Variants in PCDHGA2 observed in about 807,000 individuals in gnomAD.
The protein encoded by PCDHGA2 is protocadherin gamma-A2.
Under a neutral mutation model 59.2 loss-of-function variants are expected in PCDHGA2, and 40 were observed. The ratio of observed to expected loss-of-function variants is 0.68; its 90% CI spans 0.52 to 0.88. The LOEUF is 0.88. Ranked by LOEUF, PCDHGA2 falls within the 40% of genes least tolerant of loss-of-function variation. The probability of loss-of-function intolerance (pLI) is 0.00; values close to 1 mark genes in which losing one functional copy is unlikely to be tolerated. For missense variants in PCDHGA2, 1,226 were observed against 1,204.0 expected (o/e 1.02, Z -0.27); for synonymous variants, 560 against 526.0 (o/e 1.06, Z -0.89).
chr5:141,507,872 C>T (rs2099864458), intron 3 of PCDHGA2, among the ~76,000 whole-genome samples: 1 of 152,168 alleles, frequency 6.6e-6, no homozygotes, highest in African/African-American at 2.4e-5. Flanking sequence ...GCTTCCTAGC[C>T]CTGAAACCAG....
intron 1 of PCDHGA2, chr5:141,345,466 AC>A: frequency 6.2e-7 from 1 of 1,614,078 alleles, no homozygotes; most frequent in South Asian, 1.1e-5. Context: ...ACAGCCCAGG[AC>A]CCAGATAGCA....
intron 1 of PCDHGA2, among the ~76,000 whole-genome samples, chr5:141,444,408 T>G (rs1591815532): frequency 6.6e-6 from 1 of 152,124 alleles, no homozygotes; most frequent in East Asian, 1.9e-4. Context: ...CAACCTCAGG[T>G]GATCTTCCCT....
At chr5:141,392,991 G>A in intron 1 of PCDHGA2, 1 of 1,613,904 alleles carries the variant, frequency 6.2e-7, no homozygotes, top group Middle Eastern at 1.7e-4. Flanking sequence ...CCGGAAGCTG[G>A]CGAAGCACGG....
intron 1 of PCDHGA2, among the ~76,000 whole-genome samples, chr5:141,438,745 T>C (rs1004731034): frequency 4.7e-5 from 7 of 147,392 alleles, no homozygotes; most frequent in Non-Finnish European, 1.0e-4. Flanking sequence ...CACTGCAACC[T>C]CTGCCTCCTG....
rs375166529 is a variant in PCDHGA2, at chr5:141,399,734, C to G, written c.2424+58339C>G. The G allele has an allele frequency of 3.7e-6, 6 of 1,613,220 alleles. No homozygotes were observed. The African/African-American group carries it at 4.0e-5, about 11-fold the overall frequency. ...CTACAGGCCCGCGACCAGGGCTCGC[C>G]TGCGCTCAGCGCAAACGTGAGCCTG... On this transcript the variant is annotated intron_variant, in intron 1 of 3. Transcript: ENST00000394576.
At chr5:141,374,168 G>A in intron 1 of PCDHGA2, 1 of 1,613,320 alleles carries the variant, frequency 6.2e-7, no homozygotes, top group Non-Finnish European at 8.5e-7. Flanking sequence ...GGCCGCGGCA[G>A]CGCAGATCCG....
chr5:141,347,398 GC>G (rs1210015991), intron 1 of PCDHGA2, among the ~76,000 whole-genome samples: 2 of 151,916 alleles, frequency 1.3e-5, no homozygotes, highest in African/African-American at 2.4e-5. Context: ...CAAGTGATCT[GC>G]CCACGTCAGC....
intron 1 of PCDHGA2, chr5:141,382,678 C>T (rs1778365964): frequency 2.3e-6 from 1 of 439,006 alleles, no homozygotes; most frequent in African/African-American, 2.0e-5. Flanking sequence ...TGTTCACCAA[C>T]CAGGGAAAAA....
Position 141,491,858 on chromosome 5 carries a change from A to G in PCDHGA2, c.2425-2949A>G, listed in dbSNP as rs17208425. 297,575 of 1,456,446 alleles carry G rather than the reference A, an allele frequency of 0.2. 31,644 individuals are homozygous for G. The highest frequency in any genetic ancestry group is 0.33 in the Admixed American group (11,758 of 35,494). 90.2% of individuals were successfully genotyped at this position (1,456,446 alleles called of 1,614,324 possible). On this transcript the variant is annotated intron_variant, in intron 1 of 3. Transcript: ENST00000394576. This position sits in a 1 kb window ranked among gnomAD's most constrained non-coding sequence, Gnocchi z 6.9. ...TCGGGATCATTGGACCGTTTGCGCG[A>G]AACCAGAGTGGCCGATTAAGGGATG... is the stretch of plus-strand genomic sequence containing the variant.
At chr5:141,484,921 T>A in intron 1 of PCDHGA2, 1 of 478,304 alleles carries the variant, frequency 2.1e-6, no homozygotes, top group South Asian at 2.8e-5. Flanking sequence ...TTAACCCTGC[T>A]GCTGTTGGGA....
chr5:141,441,697 C>A (rs1415018255), intron 1 of PCDHGA2: 4 of 307,190 alleles, frequency 1.3e-5, no homozygotes, highest in Non-Finnish European at 1.3e-5. Flanking sequence ...CAGCCGCGAG[C>A]CTTCAAGCTC....
chr5:141,374,151 T>C lies in PCDHGA2; in HGVS notation c.2424+32756T>C, dbSNP rs759314106. ...CTGCTCCTCACGCTCCTGGGGACGC[T>C]GTGGGGGGCCGCGGCAGCGCAGATC... On this transcript the variant is annotated intron_variant, in intron 1 of 3. Coordinates refer to ENST00000394576, the MANE Select transcript of PCDHGA2 (RefSeq NM_018915.4). 2 of 1,611,862 alleles carry C rather than the reference T, an allele frequency of 1.2e-6. No individual in the cohort carries two copies. Among genetic ancestry groups the C allele is most frequent in the Non-Finnish European group, 1.7e-6 (2 of 1,178,732 alleles).
chr5:141,483,573 G>A (rs2099583012), intron 1 of PCDHGA2, among the ~76,000 whole-genome samples: 1 of 152,072 alleles, frequency 6.6e-6, no homozygotes, highest in Non-Finnish European at 1.5e-5. Context: ...GTGAATTCTG[G>A]CATAAACACC....
chr5:141,480,457 G>GT (rs1309116577), intron 1 of PCDHGA2, among the ~76,000 whole-genome samples: 4 of 152,060 alleles, frequency 2.6e-5, no homozygotes, highest in Non-Finnish European at 5.9e-5. Flanking sequence ...ATTTTTATTA[G>GT]TTCCTCACTC....
chr5:141,409,203 T>TC, intron 1 of PCDHGA2: 1 of 1,613,964 alleles, frequency 6.2e-7, no homozygotes, highest in Non-Finnish European at 8.5e-7. Context: ...TGTAAAGTAA[T>TC]CATAGAAATC....
chr5:141,490,149 T>C lies in PCDHGA2; in HGVS notation c.2425-4658T>C. The C allele has an allele frequency of 1.9e-6, 3 of 1,614,188 alleles. No individual in the cohort carries two copies. The highest frequency in any genetic ancestry group is 2.7e-5 in the African/African-American group (2 of 75,050). On this transcript the variant is annotated intron_variant, in intron 1 of 3. Coordinates refer to ENST00000394576, the MANE Select transcript of PCDHGA2 (RefSeq NM_018915.4). This position sits in a 1 kb window ranked among gnomAD's most constrained non-coding sequence, Gnocchi z 5.4. ...TAGACCCTAGCAGTGGGGCAATCCA[T>C]GTGTTGGGTCCCATAGACTTTGAGG... is the stretch of plus-strand genomic sequence containing the variant.
chr5:141,488,885 T>C (rs1401230063), intron 1 of PCDHGA2, among the ~76,000 whole-genome samples: 1 of 152,194 alleles, frequency 6.6e-6, no homozygotes, highest in Admixed American at 6.5e-5. Flanking sequence ...GAAGCTTCTG[T>C]GACACAGATT....
At chr5:141,456,149 G>A (rs377506220) in intron 1 of PCDHGA2, among the ~76,000 whole-genome samples, 1 of 151,866 alleles carries the variant, frequency 6.6e-6, no homozygotes, top group East Asian at 1.9e-4. Flanking sequence ...CGCCCGCCTC[G>A]GCCTCCTAAA....
chr5:141,343,527 A>G (rs1277391864), intron 1 of PCDHGA2, among the ~76,000 whole-genome samples: 2 of 152,180 alleles, frequency 1.3e-5, no homozygotes, highest in Admixed American at 1.3e-4. Context: ...GTTCTTTGTT[A>G]CTGTGTGTTT....
Sources: allele counts gnomAD v4.1 joint callset (sites outside exome capture counted in the v4.1 genomes callset), GRCh38; gene constraint gnomAD v4.1.1; non-coding constraint Gnocchi (gnomAD v3.1); transcripts MANE v1.5; gene names NCBI Gene and HGNC (gene_info 2026-07-23, HGNC 2026-07-21).